KDM4C: variants seen among roughly 807,000 people sequenced by gnomAD.
KDM4C encodes lysine demethylase 4C.
In KDM4C, 81 loss-of-function variants were observed where a neutral mutation model predicts 129.3. The observed-to-expected ratio is 0.63, with a 90% CI of 0.52 to 0.75. KDM4C has a LOEUF of 0.75. Among genes scored for constraint, KDM4C ranks in the 30% least tolerant of loss-of-function variants. KDM4C has a pLI of 0.00. For missense variants in KDM4C, 1,457 were observed against 1,304.0 expected (o/e 1.12, Z -1.81); for synonymous variants, 573 against 456.1 (o/e 1.26, Z -3.26).
chr9:7,022,896 T>G (rs1389962681), intron 15 of KDM4C, among the ~76,000 whole-genome samples: 2 of 152,180 alleles, frequency 1.3e-5, no homozygotes, highest in Non-Finnish European at 2.9e-5. Flanking sequence ...CAGCATCAAT[T>G]GCAGTGATCA....
At chr9:6,909,611 T>C (rs1818914281) in intron 8 of KDM4C, among the ~76,000 whole-genome samples, 1 of 151,942 alleles carries the variant, frequency 6.6e-6, no homozygotes, top group African/African-American at 2.4e-5. Context: ...TTTGTATTTA[T>C]GTAAAAAAAA....
At chr9:6,837,644 G>A (rs1383728319) in intron 4 of KDM4C, among the ~76,000 whole-genome samples, 1 of 152,006 alleles carries the variant, frequency 6.6e-6, no homozygotes, top group Non-Finnish European at 1.5e-5. Flanking sequence ...TCATATTCCT[G>A]TCTTTATGAA....
intron 6 of KDM4C, among the ~76,000 whole-genome samples, chr9:6,880,735 G>T (rs890737125): frequency 3.9e-5 from 6 of 152,086 alleles, no homozygotes; most frequent in African/African-American, 1.2e-4. Context: ...TGATGATCCT[G>T]TGCCTGCTTT....
chr9:6,727,245 G>T (rs1817161516), intron 1 of KDM4C: 1 of 151,110 alleles, frequency 6.6e-6, no homozygotes, highest in South Asian at 2.1e-4. Context: ...GAGGTCAGGA[G>T]TTCGAGACCA....
chr9:6,792,003 C>G (rs10283825), intron 1 of KDM4C, among the ~76,000 whole-genome samples: 28,215 of 151,660 alleles, frequency 0.19, 2,735 homozygotes, highest in African/African-American at 0.23. Flanking sequence ...GCCTGGGCAA[C>G]AGGAGTAAAA....
chr9:6,855,320 A>G (rs1300936794), intron 5 of KDM4C, among the ~76,000 whole-genome samples: 1 of 151,920 alleles, frequency 6.6e-6, no homozygotes, highest in African/African-American at 2.4e-5. Flanking sequence ...TTAGCTGGGC[A>G]TGGTGGTGCA....
intron 8 of KDM4C, among the ~76,000 whole-genome samples, chr9:6,898,330 G>A (rs938193304): frequency 1.2e-4 from 19 of 152,238 alleles, no homozygotes; most frequent in African/African-American, 3.4e-4. Context: ...ATTGTCTTGG[G>A]GACAGTCATA....
At chr9:6,809,756 TG>T (rs1830796325) in intron 3 of KDM4C, among the ~76,000 whole-genome samples, 1 of 152,330 alleles carries the variant, frequency 6.6e-6, no homozygotes, top group East Asian at 1.9e-4. Context: ...CCCAGCACTT[TG>T]GGAAGCCGAG....
intron 8 of KDM4C, among the ~76,000 whole-genome samples, chr9:6,914,368 G>C (rs1459540207): frequency 1.3e-5 from 2 of 152,084 alleles, no homozygotes; most frequent in Non-Finnish European, 2.9e-5. Context: ...CACTGTGCCT[G>C]GCCCATATTT....
chr9:6,721,113 G>T, intron 1 of KDM4C: 1 of 974,394 alleles, frequency 1.0e-6, no homozygotes, highest in South Asian at 1.5e-5. Context: ...GGTCTCTGTT[G>T]CCCAGGCTAG....
chr9:6,810,728 A>G (rs537501156), intron 3 of KDM4C, among the ~76,000 whole-genome samples: 2 of 152,110 alleles, frequency 1.3e-5, no homozygotes, highest in African/African-American at 4.8e-5. Context: ...AAAATTAGCC[A>G]TGCATGGTGG....
At chr9:7,119,214 T>C (rs988560870) in intron 18 of KDM4C, among the ~76,000 whole-genome samples, 15 of 152,202 alleles carry the variant, frequency 9.9e-5, no homozygotes, top group Non-Finnish European at 2.2e-4. Context: ...TGACAGTATA[T>C]ACAAGCACCA....
At chr9:6,764,971 C>T (rs1820331577) in intron 1 of KDM4C, among the ~76,000 whole-genome samples, 1 of 152,138 alleles carries the variant, frequency 6.6e-6, no homozygotes, top group Admixed American at 6.6e-5. Context: ...GTTCCTCAGC[C>T]CTCACATCCA....
intron 8 of KDM4C, among the ~76,000 whole-genome samples, chr9:6,940,845 C>T (rs1233935307): frequency 2.0e-5 from 3 of 152,178 alleles, no homozygotes; most frequent in African/African-American, 7.2e-5. Context: ...TATATGCTCT[C>T]TGATAAAGTC....
At chr9:6,804,843 A>C (rs147296803) in intron 2 of KDM4C, among the ~76,000 whole-genome samples, 2 of 152,252 alleles carry the variant, frequency 1.3e-5, no homozygotes, top group East Asian at 3.9e-4. Context: ...TACTTAGATC[A>C]TATTCAATAA....
Position 6,814,721 on chromosome 9 carries a change from T to TATTA in KDM4C, c.414_417dup (p.Gly140Ter), listed in dbSNP as rs758295410. ...TTGTGGCACCTATCTATGGTGCAGATATTAATGGGAGCATATATGATGAGG... is the reference window on the plus strand; with the variant it reads ...TTGTGGCACCTATCTATGGTGCAGATATTAATTAATGGGAGCATATATGATGAGG... On this transcript the variant is annotated frameshift_variant, in exon 4 of 22. Coordinates refer to ENST00000381309, the MANE Select transcript of KDM4C (RefSeq NM_015061.6). LOFTEE classifies it high-confidence loss of function. The TATTA allele has an allele frequency of 3.7e-6, 6 of 1,605,054 alleles. No homozygotes were observed. The highest frequency in any genetic ancestry group is 5.1e-6 in the Non-Finnish European group (6 of 1,172,876).
At chr9:6,761,892 A>G (rs1349544401) in intron 1 of KDM4C, among the ~76,000 whole-genome samples, 2 of 151,952 alleles carry the variant, frequency 1.3e-5, no homozygotes, top group African/African-American at 4.8e-5. Flanking sequence ...GCTCACTGCA[A>G]CCTCCGACTC....
chr9:6,953,999 AG>A (rs1828625657), intron 8 of KDM4C, among the ~76,000 whole-genome samples: 1 of 152,228 alleles, frequency 6.6e-6, no homozygotes, highest in African/African-American at 2.4e-5. Context: ...TTTCAGAAGT[AG>A]CTGTCGGGGG....
At chr9:6,888,349 C>A (rs1845591792) in intron 7 of KDM4C, among the ~76,000 whole-genome samples, 2 of 152,164 alleles carry the variant, frequency 1.3e-5, no homozygotes, top group East Asian at 1.9e-4. Flanking sequence ...ATATTAAAAT[C>A]TTTTTTATGA....
Sources: gnomAD v4.1 joint callset for allele counts (sites outside exome capture counted in the v4.1 genomes callset) on GRCh38, gnomAD v4.1.1 for gene constraint, MANE v1.5 for transcripts, NCBI Gene and HGNC (gene_info 2026-07-23, HGNC 2026-07-21) for gene names.